Variants in CBFA2T3 observed in about 807,000 individuals in gnomAD.
CBFA2T3 encodes the protein transcriptional corepressor CBFA2T3.
In CBFA2T3, 31 loss-of-function variants were observed where a neutral mutation model predicts 58.6. That is an observed-to-expected ratio of 0.53 (90% confidence interval 0.40 to 0.71). The LOEUF (loss-of-function observed/expected upper bound fraction) is 0.71, where lower values mean the gene tolerates loss of function less well. Among genes scored for constraint, CBFA2T3 ranks in the 30% least tolerant of loss-of-function variants. The pLI, the probability that CBFA2T3 is intolerant of heterozygous loss-of-function variation, is 0.00. For missense variants in CBFA2T3, 1,076 were observed against 963.1 expected, an observed-to-expected ratio of 1.12 and a Z score of -1.55; for synonymous variants, 531 against 421.9, an observed-to-expected ratio of 1.26 and a Z score of -3.17.
At position 88,886,163 on chromosome 16, in the gene CBFA2T3, G is replaced by A; in HGVS notation, c.712-21C>T. 4 of 1,507,764 alleles carry A rather than the reference G, an allele frequency of 2.7e-6. No individual in the cohort carries two copies. The South Asian group carries it at 3.9e-5, about 15-fold the overall frequency. The allele number at this position is 1,507,764 out of a possible 1,614,324, so 93.4% of individuals were successfully genotyped here. A position where few individuals can be genotyped will look rare whatever the true frequency, so the allele number is the denominator to read the frequency against. The stretch of plus-strand genomic sequence containing the variant: ...TTTGCCTGTGGGGTGGGGAAGGAGG[G>A]CCTGGGTAGCATGCAGGGGTGCACA... On this transcript the variant is annotated intron_variant, in intron 5 of 11. Coordinates refer to ENST00000268679, the MANE Select transcript of CBFA2T3 (RefSeq NM_005187.6).
intron 1 of CBFA2T3, among the ~76,000 whole-genome samples, chr16:88,904,327 C>A (rs893948119): frequency 3.9e-5 from 6 of 152,142 alleles, no homozygotes; most frequent in Non-Finnish European, 5.9e-5. Flanking sequence ...CTCACCGAGA[C>A]CCTCTGCGGC....
Position 88,901,488 on chromosome 16 carries a change from G to C in CBFA2T3, c.304+16C>G. ...TGAAACACCTGGCCCTCGGCTGCCA[G>C]GTGGGGGCTACTTACGTGTGTGTGG... On this transcript the variant is annotated intron_variant, in intron 2 of 11. Coordinates refer to ENST00000268679, the MANE Select transcript of CBFA2T3 (RefSeq NM_005187.6). 1 of 1,424,434 alleles carries C rather than the reference G, an allele frequency of 7.0e-7. No homozygotes were observed. Among genetic ancestry groups the C allele is most frequent in the Non-Finnish European group, 9.3e-7 (1 of 1,075,942 alleles). The allele number at this position is 1,424,434 out of a possible 1,614,324, so 88.2% of individuals were successfully genotyped here. A position where few individuals can be genotyped will look rare whatever the true frequency, so the allele number is the denominator to read the frequency against.
intron 1 of CBFA2T3, among the ~76,000 whole-genome samples, chr16:88,923,313 G>A (rs1970981531): frequency 6.6e-6 from 1 of 152,186 alleles, no homozygotes; most frequent in African/African-American, 2.4e-5. Context: ...AGGATTCGGC[G>A]CTTCTGCCCA....
chr16:88,886,166 T>C (rs1048465947), intron 5 of CBFA2T3, 24 bp from the exon 6 acceptor site: 17 of 1,500,602 alleles, frequency 1.1e-5, no homozygotes, highest in Non-Finnish European at 1.4e-5. Flanking sequence ...AAGGAGGGCC[T>C]GGGTAGCATG....
chr16:88,920,382 T>C lies in CBFA2T3; in HGVS notation c.152-18726A>G, dbSNP rs571439919. On this transcript the variant is annotated intron_variant, in intron 1 of 11. Transcript: ENST00000268679. ...ACCTCTGCCTCTCAGGTTCAAGTGA[T>C]TCTTGTGCCTCAGCCTCCCGAGTAG... is the stretch of plus-strand genomic sequence containing the variant. Among the ~76,000 whole-genome samples the C allele has an allele frequency of 4.0e-3, 612 of 152,178 alleles. 2 individuals are homozygous for C. Among genetic ancestry groups the C allele is most frequent in the African/African-American group, 0.014 (581 of 41,508 alleles).
At chr16:88,957,310 G>T (rs1309363583) in intron 1 of CBFA2T3, among the ~76,000 whole-genome samples, 1 of 152,236 alleles carries the variant, frequency 6.6e-6, no homozygotes, top group Non-Finnish European at 1.5e-5. Context: ...CTGCCCTCGG[G>T]ACACCCCCGC....
intron 1 of CBFA2T3, among the ~76,000 whole-genome samples, chr16:88,908,301 C>T (rs916885125): frequency 9.9e-5 from 15 of 151,600 alleles, no homozygotes; most frequent in African/African-American, 3.4e-4. Context: ...GAATTCGTGC[C>T]ACCGCACTCC....
intron 1 of CBFA2T3, among the ~76,000 whole-genome samples, chr16:88,969,806 G>A (rs113146860): frequency 0.13 from 19,863 of 152,268 alleles, 1,574 homozygotes; most frequent in Middle Eastern, 0.24. Context: ...CCGTGGACCC[G>A]GTCCAGTTAG....
Position 88,964,227 on chromosome 16 carries a change from C to G in CBFA2T3, c.151+12430G>C, listed in dbSNP as rs1373363005. On this transcript the variant is annotated intron_variant, in intron 1 of 11. Transcript: ENST00000268679. The stretch of plus-strand genomic sequence containing the variant: ...CCCCCAATTCATGGGTTGCCTCTCT[C>G]TAGCATGAGTCTGATGACAGGGCTT... 4.6e-5 allele frequency among the ~76,000 whole-genome samples: 7 copies of G among 152,358 alleles called. No individual in the cohort carries two copies. The South Asian group carries it at 1.0e-3, about 23-fold the overall frequency.
chr16:88,946,697 G>T (rs1971911997), intron 1 of CBFA2T3, among the ~76,000 whole-genome samples: 1 of 152,130 alleles, frequency 6.6e-6, no homozygotes, highest in African/African-American at 2.4e-5. Context: ...TGGCCAGGCT[G>T]GTCTCGAACT....
At chr16:88,892,975 G>A (rs1969708892) in intron 3 of CBFA2T3, among the ~76,000 whole-genome samples, 1 of 152,200 alleles carries the variant, frequency 6.6e-6, no homozygotes, top group Non-Finnish European at 1.5e-5. Context: ...CTACCAGGCT[G>A]GCTCAGGTTT....
rs781211630 is a variant in CBFA2T3 at position 88,882,749 on chromosome 16, G to A, written c.1130C>T (p.Ser377Phe). The A allele has an allele frequency of 1.6e-4, 254 of 1,579,242 alleles. No individual in the cohort carries two copies. The highest frequency in any genetic ancestry group is 2.2e-4 in the Non-Finnish European group (251 of 1,162,464). The part of the protein sequence containing the change: ...ERHRPLVVPG[S>F]RQEEVIDHKL... ...GTGGTCGATCACTTCTTCCTGCCGG[G>A]ACCCAGGCACCACTGTGGATGGGGG... Residue 377 changes from serine to phenylalanine, a missense_variant, in exon 8 of 12, where the codon TCC becomes TTC. Physicochemically the swap from Ser to Phe is radical, Grantham distance 155. Transcript: ENST00000268679.
intron 1 of CBFA2T3, among the ~76,000 whole-genome samples, chr16:88,926,745 A>G (rs1415068291): frequency 2.0e-5 from 3 of 152,120 alleles, no homozygotes; most frequent in Non-Finnish European, 4.4e-5. Context: ...GACGGGACGG[A>G]GGTGTTCACA....
At chr16:88,898,495 A>C (rs547035399) in intron 2 of CBFA2T3, among the ~76,000 whole-genome samples, 84 of 152,322 alleles carry the variant, frequency 5.5e-4, no homozygotes, top group African/African-American at 1.9e-3. Flanking sequence ...GGTGATCCCT[A>C]AGGGCCGTTC....
chr16:88,961,793 G>A (rs1164847955), intron 1 of CBFA2T3, among the ~76,000 whole-genome samples: 5 of 117,400 alleles, frequency 4.3e-5, no homozygotes, highest in African/African-American at 6.5e-5. Flanking sequence ...CATAGTAACC[G>A]ACACTCAGCG....
At chr16:88,892,506 T>C (rs780661950) in intron 3 of CBFA2T3, 21 bp from the exon 4 acceptor site, 6 of 1,609,480 alleles carry the variant, frequency 3.7e-6, no homozygotes, top group South Asian at 2.2e-5. Context: ...GAAGCGGACA[T>C]GAGGACACAA....
intron 1 of CBFA2T3, among the ~76,000 whole-genome samples, chr16:88,975,101 CTG>C (rs1206045407): frequency 7.6e-6 from 1 of 130,802 alleles, no homozygotes; most frequent in East Asian, 3.4e-4. Flanking sequence ...GCTGGGTACT[CTG>C]TGTTAGAGGC....
intron 1 of CBFA2T3, among the ~76,000 whole-genome samples, chr16:88,935,968 G>A (rs1164943483): frequency 2.6e-5 from 4 of 152,182 alleles, no homozygotes; most frequent in African/African-American, 4.8e-5. Context: ...CCAAGAAACC[G>A]AGGGGCTGCC....
At chr16:88,881,117 C>G in intron 9 of CBFA2T3, 174 bp downstream of exon 9, 1 of 746,034 alleles carries the variant, frequency 1.3e-6, no homozygotes, top group Non-Finnish European at 2.4e-6. Context: ...GCTCTGAGCT[C>G]CAGGCTTCCT....
Sources: allele counts gnomAD v4.1 joint callset (sites outside exome capture counted in the v4.1 genomes callset), GRCh38; gene constraint gnomAD v4.1.1; transcripts MANE v1.5; gene names NCBI Gene and HGNC (gene_info 2026-07-23, HGNC 2026-07-21).